The following KCNQ3 variants were observed in gnomAD, a reference collection of about 807,000 sequenced individuals.
The protein encoded by KCNQ3 is potassium voltage-gated channel subfamily KQT member 3.
KCNQ3 carries 30 observed loss-of-function variants against 92.5 expected under a neutral mutation model. The observed-to-expected ratio is 0.32, with a 90% CI of 0.24 to 0.44. The LOEUF (loss-of-function observed/expected upper bound fraction) is 0.44, where lower values mean the gene tolerates loss of function less well. KCNQ3 is among the 20% of genes least tolerant of loss of function. The pLI, the probability that KCNQ3 is intolerant of heterozygous loss-of-function variation, is 1.00. For missense variants in KCNQ3, 913 were observed against 1,140.3 expected, an observed-to-expected ratio of 0.80 and a Z score of 2.87; for synonymous variants, 450 against 468.8, an observed-to-expected ratio of 0.96 and a Z score of 0.52.
At chr8:132,266,313 T>C (rs1031240716) in intron 1 of KCNQ3, among the ~76,000 whole-genome samples, 1 of 152,152 alleles carries the variant, frequency 6.6e-6, no homozygotes, top group African/African-American at 2.4e-5. Context: ...CTCAGGGGAT[T>C]GAGGGAGATG....
intron 1 of KCNQ3, among the ~76,000 whole-genome samples, chr8:132,473,422 T>C (rs1822336673): frequency 1.3e-5 from 2 of 152,236 alleles, no homozygotes; most frequent in South Asian, 4.1e-4. Context: ...GACCAAATTC[T>C]GAGATTTCTG....
chr8:132,388,041 G>GGAA lies in KCNQ3; in HGVS notation c.386+92103_386+92105dup, dbSNP rs200297014. Among the ~76,000 whole-genome samples the GGAA allele has an allele frequency of 2.5e-3, 342 of 135,194 alleles. 12 individuals carry two copies. The East Asian group carries it at 0.061, about 24-fold the overall frequency. 88.7% of individuals were successfully genotyped at this position (135,194 alleles called of 152,430 possible). On this transcript the variant is annotated intron_variant, in intron 1 of 14. Transcript: ENST00000388996. ...AAGAGGAAGAAGAAGAAGAGGAAGA[G>GGAA]GAAGAAGAAGAAGAAGAGAAGAAGA...
At chr8:132,465,847 G>A (rs1166140675) in intron 1 of KCNQ3, among the ~76,000 whole-genome samples, 3 of 152,202 alleles carry the variant, frequency 2.0e-5, no homozygotes, top group Non-Finnish European at 4.4e-5. Flanking sequence ...AGGAGGTCGA[G>A]GCTGTGGTGG....
intron 1 of KCNQ3, among the ~76,000 whole-genome samples, chr8:132,259,405 TTGAG>T (rs1315701907): frequency 6.6e-6 from 1 of 152,140 alleles, no homozygotes; most frequent in Non-Finnish European, 1.5e-5. Context: ...AAACCTCCTC[TTGAG>T]TATTTCAATA....
chr8:132,175,782 G>T (rs1563788869), intron 4 of KCNQ3, among the ~76,000 whole-genome samples, 174 bp from the exon 5 acceptor site: 2 of 152,140 alleles, frequency 1.3e-5, no homozygotes, highest in Non-Finnish European at 2.9e-5. Context: ...TCATTAACAT[G>T]GTAGTTATTT....
rs532311622 is a variant in KCNQ3, at chr8:132,170,306, C to T, written c.1235+28G>A. ...CGCAGGAGAGATGGCTGGTCACGCC[C>T]TGAGCATTCAGGTGAGTCCCCACTT... On this transcript the variant is annotated intron_variant, in intron 8 of 14. Coordinates refer to ENST00000388996, the MANE Select transcript of KCNQ3 (RefSeq NM_004519.4). The T allele has an allele frequency of 6.5e-6, 10 of 1,536,152 alleles. No individual in the cohort carries two copies. The East Asian group carries it at 2.0e-4, about 31-fold the overall frequency.
At chr8:132,445,177 G>A (rs1288093476) in intron 1 of KCNQ3, among the ~76,000 whole-genome samples, 7 of 152,172 alleles carry the variant, frequency 4.6e-5, no homozygotes, top group African/African-American at 1.7e-4. Context: ...TTGGAGCCAA[G>A]TCCCAAATGC....
At chr8:132,152,712 C>CTAACAGGCCCAGGAGTTCCAAGTA (rs1825679014) in intron 9 of KCNQ3, among the ~76,000 whole-genome samples, 1 of 152,144 alleles carries the variant, frequency 6.6e-6, no homozygotes, top group Non-Finnish European at 1.5e-5. Context: ...ATGTCATTTT[C>CTAACAGGCCCAGGAGTTCCAAGTA]TAACAGGCCC....
At chr8:132,174,789 G>A (rs563521357) in intron 5 of KCNQ3, among the ~76,000 whole-genome samples, 1 of 152,292 alleles carries the variant, frequency 6.6e-6, no homozygotes, top group South Asian at 2.1e-4. Context: ...TATGTTATCA[G>A]TATACATGTA....
Position 132,127,566 on chromosome 8 carries a change from A to G in KCNQ3, c.*1696T>C, listed in dbSNP as rs1394280725. 6.6e-6 allele frequency: 1 copy of G among 152,212 alleles called. No homozygotes were observed. Among genetic ancestry groups the G allele is most frequent in the African/African-American group, 2.4e-5 (1 of 41,456 alleles). 9.4% of individuals were successfully genotyped at this position (152,212 alleles called of 1,614,324 possible). On this transcript the variant is annotated 3_prime_UTR_variant, in exon 15 of 15. Coordinates refer to ENST00000388996, the MANE Select transcript of KCNQ3 (RefSeq NM_004519.4). ...TCTGCCATAGCTACTGTGGCTCTTGACAAGACTGTGAGGGAGAATAGCAGT... is the reference window on the plus strand; with the variant it reads ...TCTGCCATAGCTACTGTGGCTCTTGGCAAGACTGTGAGGGAGAATAGCAGT...
intron 1 of KCNQ3, among the ~76,000 whole-genome samples, chr8:132,194,132 C>A (rs1417959966): frequency 6.6e-6 from 1 of 152,188 alleles, no homozygotes; most frequent in Non-Finnish European, 1.5e-5. Context: ...TTCTTAGAAT[C>A]CTTGTCTGTC....
At chr8:132,169,737 C>A (rs1308816691) in intron 8 of KCNQ3, among the ~76,000 whole-genome samples, 1 of 152,236 alleles carries the variant, frequency 6.6e-6, no homozygotes, top group Non-Finnish European at 1.5e-5. Context: ...AACTGGGAAG[C>A]CCTGGCTGCA....
At chr8:132,337,413 C>T (rs1818395128) in intron 1 of KCNQ3, among the ~76,000 whole-genome samples, 1 of 152,224 alleles carries the variant, frequency 6.6e-6, no homozygotes, top group South Asian at 2.1e-4. Context: ...AGGAGAATTG[C>T]TTGAGCCCAA....
At chr8:132,239,984 A>C (rs533644916) in intron 1 of KCNQ3, among the ~76,000 whole-genome samples, 3 of 152,144 alleles carry the variant, frequency 2.0e-5, no homozygotes. Flanking sequence ...GTATTTAAAT[A>C]TTGATTCTGC....
intron 1 of KCNQ3, among the ~76,000 whole-genome samples, chr8:132,290,220 C>G (rs754188036): frequency 1.3e-5 from 2 of 152,164 alleles, no homozygotes; most frequent in Non-Finnish European, 2.9e-5. Context: ...TAAGTTCAAA[C>G]AGTTAAATTA....
At chr8:132,290,635 G>A (rs940535889) in intron 1 of KCNQ3, among the ~76,000 whole-genome samples, 26 of 152,262 alleles carry the variant, frequency 1.7e-4, no homozygotes, top group African/African-American at 5.8e-4. Context: ...AGACAAGAGG[G>A]CTTGGAGGAT....
At chr8:132,151,918 A>G (rs1435218380) in intron 9 of KCNQ3, among the ~76,000 whole-genome samples, 1 of 152,250 alleles carries the variant, frequency 6.6e-6, no homozygotes, top group East Asian at 1.9e-4. Flanking sequence ...ACATCAATAT[A>G]TGTTCCAGAA....
At chr8:132,206,200 T>C (rs1000660108) in intron 1 of KCNQ3, among the ~76,000 whole-genome samples, 1 of 152,162 alleles carries the variant, frequency 6.6e-6, no homozygotes, top group Admixed American at 6.5e-5. Context: ...CTCTGGGTCA[T>C]CCCTGTCCTT....
intron 1 of KCNQ3, among the ~76,000 whole-genome samples, chr8:132,338,231 G>A (rs866989773): frequency 1.2e-4 from 18 of 152,186 alleles, no homozygotes; most frequent in African/African-American, 4.3e-4. Context: ...GGAGGCTTAG[G>A]CATGGCCCAA....
Sources: allele counts gnomAD v4.1 joint callset (sites outside exome capture counted in the v4.1 genomes callset), GRCh38; gene constraint gnomAD v4.1.1; transcripts MANE v1.5; gene names NCBI Gene and HGNC (gene_info 2026-07-23, HGNC 2026-07-21).